Variants in LOXL1 observed in about 807,000 individuals in gnomAD.
LOXL1 encodes the protein lysyl oxidase homolog 1.
LOXL1 carries 31 observed loss-of-function variants against 62.2 expected under a neutral mutation model. That is an observed-to-expected ratio of 0.50 (90% CI 0.37 to 0.67). The LOEUF (loss-of-function observed/expected upper bound fraction) is 0.67. LOXL1 is among the 30% of genes least tolerant of loss of function. The pLI is 0.00. For missense variants in LOXL1, 775 were observed against 843.4 expected (o/e 0.92, Z 1.00); for synonymous variants, 403 against 384.4 (o/e 1.05, Z -0.56).
chr15:73,929,672 T>C (rs770506929), intron 1 of LOXL1, among the ~76,000 whole-genome samples: 17 of 152,228 alleles, frequency 1.1e-4, no homozygotes, highest in African/African-American at 1.7e-4. Context: ...ACTTGCAGCA[T>C]CCCTGCAGAA....
In LOXL1 at chr15:73,932,014, G is replaced by T. The variant is rs149987727; in HGVS notation, c.1102+4129G>T. Among the ~76,000 whole-genome samples the T allele has an allele frequency of 7.6e-3, 1,155 of 152,148 alleles. 12 individuals are homozygous for T. The highest frequency in any genetic ancestry group is 0.026 in the African/African-American group (1,084 of 41,502). On this transcript the variant is annotated intron_variant, in intron 1 of 6. Transcript: ENST00000261921. ...CCTCCTGGTGTAGATGAGAAAACAG[G>T]CCTAGGGAGGTGGCACAGAAGGGTA...
At chr15:73,938,323 A>ATCTATCTATCTATCTATC (rs1445292675) in intron 1 of LOXL1, among the ~76,000 whole-genome samples, 11 of 61,058 alleles carry the variant, frequency 1.8e-4, no homozygotes, top group African/African-American at 6.4e-4. Flanking sequence ...ATCTAGGTAG[A>ATCTATCTATCTATCTATC]TAGATAGAAC....
intron 1 of LOXL1, among the ~76,000 whole-genome samples, chr15:73,935,934 G>GGTGTGTGTGTGT (rs3056338): frequency 0.11 from 13,879 of 131,714 alleles, 964 homozygotes; most frequent in South Asian, 0.14. Context: ...AGGTAGAGCT[G>GGTGTGTGTGTGT]GTGTGTGTGT....
In LOXL1 at chr15:73,946,420, A is replaced by T. The variant is rs755535910; in HGVS notation, c.1215A>T (p.Thr405=). The T allele has an allele frequency of 6.3e-7, 1 of 1,595,782 alleles. No individual in the cohort carries two copies. The highest frequency in any genetic ancestry group is 8.6e-7 in the Non-Finnish European group (1 of 1,169,088). ...ATCTCCCCCGCCGTCCCTGCAGCAC[A>T]GCCTATGCCCCTGAGGCCACCGACT... ...CAAEEKCLAS[T]AYAPEATDYD... The change falls in exon 3 of 7, where the codon ACA becomes ACT. Residue 405 remains threonine (T), a synonymous_variant. Transcript: ENST00000261921.
At position 73,926,780 on chromosome 15, in the gene LOXL1, C is replaced by T; in HGVS notation, c.-4C>T. ...GTCCACCAGGCCTCTGCAGAGGGGTCACCATGGCTCTGGCCCGAGGCAGCC... is the reference window on the plus strand; with the variant it reads ...GTCCACCAGGCCTCTGCAGAGGGGTTACCATGGCTCTGGCCCGAGGCAGCC... On this transcript the variant is annotated 5_prime_UTR_variant, in exon 1 of 7. Transcript: ENST00000261921. The T allele has an allele frequency of 7.1e-7, 1 of 1,418,254 alleles. No homozygotes were observed. Among genetic ancestry groups the T allele is most frequent in the Non-Finnish European group, 9.2e-7 (1 of 1,081,550 alleles). The allele number at this position is 1,418,254 out of a possible 1,614,324, so 87.9% of individuals were successfully genotyped here.
chr15:73,927,688 G>A lies in LOXL1; in HGVS notation c.905G>A (p.Gly302Asp). The A allele has an allele frequency of 2.0e-6, 3 of 1,484,130 alleles. No individual in the cohort carries two copies. The highest frequency in any genetic ancestry group is 2.7e-6 in the Non-Finnish European group (3 of 1,124,568). The allele number at this position is 1,484,130 out of a possible 1,614,324, so 91.9% of individuals were successfully genotyped here. A position where few individuals can be genotyped will look rare whatever the true frequency, so the allele number is the denominator to read the frequency against. The change falls in exon 1 of 7, where the codon GGC (glycine) becomes GAC (aspartate). Residue 302 changes from glycine to aspartate, a missense_variant. Transcript: ENST00000261921. ...GGTCCCGAGGCGGCGCAGGCCCATG[G>A]CGGAGACCCACGCCTGGGCTGGTAC... ...DPGPEAAQAH[G>D]GDPRLGWYPP...
In LOXL1 at chr15:73,927,290, G is replaced by A. The variant is rs1300775158; in HGVS notation, c.507G>A (p.Gln169=). 7 of 1,603,328 alleles carry A rather than the reference G, an allele frequency of 4.4e-6. No individual in the cohort carries two copies. The South Asian group carries it at 7.8e-5, about 18-fold the overall frequency. The change falls in exon 1 of 7, where the codon CAG becomes CAA. Residue 169 remains glutamine (Q), a synonymous_variant. Coordinates refer to ENST00000261921, the MANE Select transcript of LOXL1 (RefSeq NM_005576.4). ...SASAFASTYR[Q]QPSYPQQFPY... Reference sequence around the variant, plus strand: ...CGGCCTTCGCCAGCACCTACCGCCAGCAGCCCTCCTACCCGCAGCAGTTCC... The same window carrying A: ...CGGCCTTCGCCAGCACCTACCGCCAACAGCCCTCCTACCCGCAGCAGTTCC...
intron 1 of LOXL1, among the ~76,000 whole-genome samples, chr15:73,940,108 C>A (rs1304569995): frequency 6.6e-6 from 1 of 152,180 alleles, no homozygotes; most frequent in African/African-American, 2.4e-5. Context: ...AGGAGACACA[C>A]ACAGGTTAGT....
intron 1 of LOXL1, chr15:73,942,143 G>A (rs11072449): frequency 0.95 from 145,903 of 153,322 alleles, 69,645 homozygotes; most frequent in East Asian, 1. Context: ...GTGATGGGGG[G>A]CGGGGGTATG....
At chr15:73,936,878 C>T (rs1210656027) in intron 1 of LOXL1, among the ~76,000 whole-genome samples, 5 of 152,232 alleles carry the variant, frequency 3.3e-5, no homozygotes, top group South Asian at 4.1e-4. Context: ...TGAGAGGGCT[C>T]GGGCTCTTGC....
chr15:73,935,487 C>T (rs1042722571), intron 1 of LOXL1, among the ~76,000 whole-genome samples: 1 of 151,982 alleles, frequency 6.6e-6, no homozygotes, highest in Non-Finnish European at 1.5e-5. Context: ...GGTCACTGTG[C>T]AGGGCCTGAG....
chr15:73,946,681 A>G (rs749798316), intron 3 of LOXL1, 127 bp downstream of exon 3: 1 of 1,145,998 alleles, frequency 8.7e-7, no homozygotes, highest in African/African-American at 1.5e-5. Context: ...GGGCCCGGGG[A>G]GGTGTTACCT....
At chr15:73,933,142 A>G (rs1444593763) in intron 1 of LOXL1, among the ~76,000 whole-genome samples, 2 of 152,236 alleles carry the variant, frequency 1.3e-5, no homozygotes, top group African/African-American at 4.8e-5. Flanking sequence ...AACATACACT[A>G]TGCTAAGCAT....
chr15:73,931,605 T>A (rs553929258), intron 1 of LOXL1, among the ~76,000 whole-genome samples: 1 of 152,240 alleles, frequency 6.6e-6, no homozygotes, highest in Admixed American at 6.5e-5. Context: ...AGGGTGTTTC[T>A]AGGGTACCTC....
At position 73,942,932 on chromosome 15, in the gene LOXL1, G is replaced by T; in HGVS notation, c.1181G>T (p.Arg394Leu). 1 of 1,613,916 alleles carries T rather than the reference G, an allele frequency of 6.2e-7. No individual in the cohort carries two copies. Among genetic ancestry groups the T allele is most frequent in the Non-Finnish European group, 8.5e-7 (1 of 1,179,846 alleles). ...YVQRAHLYSL[R>L]CAAEEKCLAS... is the part of the protein sequence containing the mutation. ...CAGAGAGCCCACCTGTACTCCCTGC[G>T]CTGTGCTGCGGAGGAGAAGTGTCTG... Residue 394 changes from arginine to leucine, a missense_variant, in exon 2 of 7, where the codon CGC becomes CTC. Arg to Leu is a moderately radical substitution (Grantham distance 102). Coordinates refer to ENST00000261921, the MANE Select transcript of LOXL1 (RefSeq NM_005576.4).
In LOXL1 at chr15:73,952,136, A is replaced by G. The variant is rs1316791708; in HGVS notation, c.*299A>G. The G allele has an allele frequency of 3.0e-6, 1 of 330,514 alleles. No individual in the cohort carries two copies. The highest frequency in any genetic ancestry group is 5.5e-6 in the Non-Finnish European group (1 of 182,492). The allele number at this position is 330,514 out of a possible 1,614,324, so 20.5% of individuals were successfully genotyped here. A position where few individuals can be genotyped will look rare whatever the true frequency, so the allele number is the denominator to read the frequency against. On this transcript the variant is annotated 3_prime_UTR_variant, in exon 7 of 7. Coordinates refer to ENST00000261921, the MANE Select transcript of LOXL1 (RefSeq NM_005576.4). ...GGGCTGAATAAAACAAGGTTTTTCT[A>G]CTCTGTGGCTCTGCATGCGGCCTGC...
At position 73,949,482 on chromosome 15, in the gene LOXL1, T is replaced by C; in HGVS notation, c.1626T>C (p.Ile542=). 1 of 1,613,504 alleles carries C rather than the reference T, an allele frequency of 6.2e-7. No individual in the cohort carries two copies. Among genetic ancestry groups the C allele is most frequent in the Non-Finnish European group, 8.5e-7 (1 of 1,179,450 alleles). ...AGGTGCACGTGAACCCAAAGTATAT[T>C]GTTTTGGAGTCTGACTTCACCAACA... ...ILKVHVNPKY[I]VLESDFTNNV... The change falls in exon 6 of 7, where the codon ATT becomes ATC. Residue 542 remains isoleucine, a synonymous_variant. Coordinates refer to ENST00000261921, the MANE Select transcript of LOXL1 (RefSeq NM_005576.4).
At chr15:73,936,156 T>C (rs1400675049) in intron 1 of LOXL1, among the ~76,000 whole-genome samples, 1 of 152,050 alleles carries the variant, frequency 6.6e-6, no homozygotes, top group East Asian at 1.9e-4. Flanking sequence ...CTTCTAGGCT[T>C]GATTCTGTGG....
chr15:73,939,424 A>T (rs2068698369), intron 1 of LOXL1, among the ~76,000 whole-genome samples: 1 of 152,194 alleles, frequency 6.6e-6, no homozygotes, highest in South Asian at 2.1e-4. Context: ...CCCCATGGCC[A>T]TGAGGGTGTG....
Sources: allele counts gnomAD v4.1 joint callset (sites outside exome capture counted in the v4.1 genomes callset), GRCh38; gene constraint gnomAD v4.1.1; transcripts MANE v1.5; gene names NCBI Gene and HGNC (gene_info 2026-07-23, HGNC 2026-07-21).